The following EDC3 variants were observed in gnomAD, a reference collection of about 807,000 sequenced individuals.
EDC3 encodes enhancer of mRNA decapping 3.
In EDC3, 20 loss-of-function variants were observed where a neutral mutation model predicts 41.8. That is an observed-to-expected ratio of 0.48 (90% CI 0.34 to 0.70). The LOEUF (loss-of-function observed/expected upper bound fraction) is 0.70. EDC3 is among the 30% of genes least tolerant of loss of function. The pLI is 0.01. For synonymous variants in EDC3, 206 were observed against 243.2 expected (o/e 0.85, Z 1.42); for missense variants, 444 against 636.8 (o/e 0.70, Z 3.26).
intron 3 of EDC3, among the ~76,000 whole-genome samples, chr15:74,661,989 C>T (rs2062626611): frequency 6.6e-6 from 1 of 152,162 alleles, no homozygotes; most frequent in Non-Finnish European, 1.5e-5. Flanking sequence ...CCTGCTTTCT[C>T]GCTTAGGAGC....
At position 74,675,060 on chromosome 15, in the gene EDC3, T is replaced by C. The variant is rs777358882; in HGVS notation, c.65A>G (p.Gln22Arg). 3 of 1,614,006 alleles carry C rather than the reference T, an allele frequency of 1.9e-6. No homozygotes were observed. The South Asian group carries it at 3.3e-5, about 18-fold the overall frequency. Residue 22 changes from glutamine (Q) to arginine (R), a missense_variant, in exon 2 of 7, where the codon CAG (glutamine) becomes CGG (arginine). Coordinates refer to ENST00000315127, the MANE Select transcript of EDC3 (RefSeq NM_025083.5). The stretch of plus-strand genomic sequence containing the variant: ...CTGATCCACAGCTGACACTCTTCCC[T>C]GATAGACACCCAAGCTATCTCCACA... Reference protein sequence around the residue: ...INCGDSLGVYQGRVSAVDQVS... With the variant: ...INCGDSLGVYRGRVSAVDQVS...
intron 1 of EDC3, chr15:74,679,921 CA>C (rs1456623194): frequency 1.3e-5 from 2 of 151,580 alleles, no homozygotes; most frequent in Non-Finnish European, 2.9e-5. Flanking sequence ...AGCAAGACAC[CA>C]TCTCTAAAAT....
intron 1 of EDC3, among the ~76,000 whole-genome samples, chr15:74,678,091 A>G (rs2415245): frequency 0.4 from 44,121 of 109,942 alleles, 9,138 homozygotes; most frequent in African/African-American, 0.61. Context: ...GCCAGTGGTT[A>G]GTGGGGTGGG....
chr15:74,640,692 A>G, intron 4 of EDC3, 73 bp from the exon 5 acceptor site: 1 of 1,582,354 alleles, frequency 6.3e-7, no homozygotes, highest in Middle Eastern at 1.7e-4. Flanking sequence ...TACTCTATCC[A>G]AGATTCTGCA....
intron 1 of EDC3, among the ~76,000 whole-genome samples, chr15:74,690,028 T>C (rs763481077): frequency 2.0e-5 from 3 of 152,228 alleles, no homozygotes; most frequent in Non-Finnish European, 2.9e-5. Context: ...AGCCTATTCA[T>C]GACAATAAAT....
intron 1 of EDC3, chr15:74,677,072 T>G (rs1037816655): frequency 6.6e-6 from 1 of 152,032 alleles, no homozygotes; most frequent in Non-Finnish European, 1.5e-5. Flanking sequence ...CATTTTTCTT[T>G]TTTTTTTTGA....
At chr15:74,680,828 A>G (rs1456411005) in intron 1 of EDC3, among the ~76,000 whole-genome samples, 1 of 152,214 alleles carries the variant, frequency 6.6e-6, no homozygotes, top group East Asian at 1.9e-4. Flanking sequence ...ATTTCAGTAT[A>G]TTAGCAATGA....
chr15:74,684,989 A>G (rs542549867), intron 1 of EDC3, among the ~76,000 whole-genome samples: 6 of 152,190 alleles, frequency 3.9e-5, no homozygotes, highest in Non-Finnish European at 8.8e-5. Context: ...ATCTCAAAAA[A>G]GCCTTCCCTG....
chr15:74,668,394 G>A (rs2062700971), intron 3 of EDC3, among the ~76,000 whole-genome samples: 3 of 152,140 alleles, frequency 2.0e-5, no homozygotes, highest in Admixed American at 2.0e-4. Context: ...GTTAATAACG[G>A]GGAAAAATGT....
At chr15:74,647,159 GCCA>G (rs2062428519) in intron 4 of EDC3, among the ~76,000 whole-genome samples, 1 of 152,094 alleles carries the variant, frequency 6.6e-6, no homozygotes, top group Non-Finnish European at 1.5e-5. Flanking sequence ...ACAGGCATGT[GCCA>G]CCACGGATAG....
At chr15:74,645,782 A>G (rs2141594540) in intron 4 of EDC3, among the ~76,000 whole-genome samples, 1 of 151,746 alleles carries the variant, frequency 6.6e-6, no homozygotes, top group East Asian at 1.9e-4. Context: ...AGGGAGGCTG[A>G]GGTCAGGGGA....
chr15:74,657,754 T>C (rs1430392815), intron 3 of EDC3, among the ~76,000 whole-genome samples: 1 of 152,234 alleles, frequency 6.6e-6, no homozygotes, highest in African/African-American at 2.4e-5. Context: ...CAGCAGGGAA[T>C]CCCTGGTTTG....
intron 4 of EDC3, 124 bp from the exon 5 acceptor site, chr15:74,640,743 C>G: frequency 8.0e-7 from 1 of 1,244,892 alleles, no homozygotes; most frequent in Non-Finnish European, 1.1e-6. Flanking sequence ...GGCCCATCCT[C>G]TTCATCTTCC....
chr15:74,635,077 C>A, intron 6 of EDC3: 1 of 521,822 alleles, frequency 1.9e-6, no homozygotes, highest in Non-Finnish European at 3.7e-6. Context: ...TGTTACATGT[C>A]TTTTTGTTCC....
rs376629392 is a variant in EDC3 at position 74,635,469 on chromosome 15, T to C, written c.1132A>G (p.Ile378Val). The C allele has an allele frequency of 1.2e-5, 19 of 1,614,124 alleles. No individual in the cohort carries two copies. The African/African-American group carries it at 1.5e-4, about 12-fold the overall frequency. Reference sequence around the variant, plus strand: ...CTGAAGAGCGACAGCTCATTGGTGATAGATTCCAACATCTTGACAAAATTG... The same window carrying C: ...CTGAAGAGCGACAGCTCATTGGTGACAGATTCCAACATCTTGACAAAATTG... ...LPNFVKMLESITNELSLFSKT... is the reference protein window; with the variant it reads ...LPNFVKMLESVTNELSLFSKT... The change falls in exon 6 of 7, where the codon ATC (isoleucine) becomes GTC (valine). Residue 378 changes from isoleucine (I) to valine (V), a missense_variant. Ile to Val is a conservative substitution (Grantham distance 29, BLOSUM62 3). This residue lies in a region of EDC3 where 242 missense variants were observed against 363.8 expected (regional missense o/e 0.67). Coordinates refer to ENST00000315127, the MANE Select transcript of EDC3 (RefSeq NM_025083.5).
At chr15:74,659,470 A>G (rs1460991041) in intron 3 of EDC3, among the ~76,000 whole-genome samples, 1 of 106,800 alleles carries the variant, frequency 9.4e-6, no homozygotes, top group East Asian at 2.4e-4. Flanking sequence ...CAAAAAAATA[A>G]ATAAATAAAA....
chr15:74,675,584 T>A (rs1052711307), intron 1 of EDC3, among the ~76,000 whole-genome samples: 2 of 149,466 alleles, frequency 1.3e-5, no homozygotes, highest in African/African-American at 4.9e-5. Flanking sequence ...TTCTGGATAG[T>A]TGTTTTTTTT....
chr15:74,660,422 T>C (rs1224147460), intron 3 of EDC3, among the ~76,000 whole-genome samples: 1 of 150,492 alleles, frequency 6.6e-6, no homozygotes, highest in East Asian at 1.9e-4. Context: ...AAAATATATA[T>C]ATATATATAT....
intron 4 of EDC3, among the ~76,000 whole-genome samples, chr15:74,654,339 T>C (rs1022950204): frequency 6.6e-6 from 1 of 151,952 alleles, no homozygotes; most frequent in Non-Finnish European, 1.5e-5. Context: ...CAGCAGCACT[T>C]GGACTACAGA....
Sources: allele counts gnomAD v4.1 joint callset (sites outside exome capture counted in the v4.1 genomes callset), GRCh38; gene constraint gnomAD v4.1.1; regional missense constraint gnomAD v4.1.1; transcripts MANE v1.5; gene names NCBI Gene and HGNC (gene_info 2026-07-23, HGNC 2026-07-21).